ABI3BP: variants seen among roughly 807,000 people sequenced by gnomAD.
ABI3BP encodes ABI family member 3 binding protein.
A neutral mutation model predicts 268.6 loss-of-function variants in ABI3BP; 216 were observed. That is an observed-to-expected ratio of 0.80 (90% confidence interval 0.72 to 0.90). The LOEUF is 0.90. Among genes scored for constraint, ABI3BP ranks in the 40% least tolerant of loss-of-function variants. ABI3BP has a pLI of 0.00. For synonymous variants in ABI3BP, 730 were observed against 730.0 expected (o/e 1.00, Z 0.00); for missense variants, 2,090 against 2,182.4 (o/e 0.96, Z 0.84).
Position 100,885,441 on chromosome 3 carries a change from G to T in ABI3BP, c.696+95C>A, listed in dbSNP as rs1435028543. ...TTCTCCACTGTTTCATAGCTAGTCAGTTAATCTAATTTCAGTATCTTATAA... is the reference window on the plus strand; with the variant it reads ...TTCTCCACTGTTTCATAGCTAGTCATTTAATCTAATTTCAGTATCTTATAA... On this transcript the variant is annotated intron_variant, in intron 6 of 67. Coordinates refer to ENST00000471714, the MANE Select transcript of ABI3BP (RefSeq NM_001375547.2). 9.1e-6 allele frequency: 6 copies of T among 656,662 alleles called. No homozygotes were observed. In the East Asian group the frequency reaches 1.9e-4, roughly 21 times the overall value. The allele number at this position is 656,662 out of a possible 1,614,324, so 40.7% of individuals were successfully genotyped here. A position where few individuals can be genotyped will look rare whatever the true frequency, so the allele number is the denominator to read the frequency against.
chr3:100,831,664 T>A (rs989533820), intron 31 of ABI3BP, among the ~76,000 whole-genome samples: 2 of 152,144 alleles, frequency 1.3e-5, no homozygotes, highest in Non-Finnish European at 2.9e-5. Context: ...CTCTGTCTGG[T>A]GAGCCAACTT....
intron 6 of ABI3BP, among the ~76,000 whole-genome samples, chr3:100,881,910 A>C (rs2039480679): frequency 1.3e-5 from 2 of 152,210 alleles, no homozygotes; most frequent in South Asian, 4.1e-4. Flanking sequence ...GCACAATTGC[A>C]CTGGGGCTTG....
chr3:100,904,974 C>T (rs558055116), intron 2 of ABI3BP, among the ~76,000 whole-genome samples: 164 of 152,190 alleles, frequency 1.1e-3, no homozygotes, highest in Non-Finnish European at 1.8e-3. Context: ...ATGTTTATTG[C>T]GGCACTATTC....
At chr3:100,958,892 G>A (rs2077782209) in intron 1 of ABI3BP, among the ~76,000 whole-genome samples, 2 of 152,188 alleles carry the variant, frequency 1.3e-5, no homozygotes, top group Admixed American at 6.5e-5. Context: ...GAACCTCATG[G>A]TTACTTACAG....
chr3:100,895,997 A>G (rs2047491933), intron 4 of ABI3BP, among the ~76,000 whole-genome samples: 1 of 152,210 alleles, frequency 6.6e-6, no homozygotes, highest in Non-Finnish European at 1.5e-5. Flanking sequence ...GCATGGGGAA[A>G]TGAAATTTAC....
At chr3:100,977,579 T>C (rs1021989405) in intron 1 of ABI3BP, among the ~76,000 whole-genome samples, 1 of 152,232 alleles carries the variant, frequency 6.6e-6, no homozygotes, top group Non-Finnish European at 1.5e-5. Context: ...GAGTGTTTCA[T>C]GACACATCAG....
intron 1 of ABI3BP, 63 bp downstream of exon 1, chr3:100,993,243 C>T: frequency 1.7e-6 from 2 of 1,182,316 alleles, no homozygotes; most frequent in Non-Finnish European, 1.2e-6. Context: ...TATTTAAAAT[C>T]AACATTTAAA....
At chr3:100,938,208 A>T (rs953964155) in intron 1 of ABI3BP, among the ~76,000 whole-genome samples, 2 of 151,982 alleles carry the variant, frequency 1.3e-5, no homozygotes, top group Non-Finnish European at 2.9e-5. Context: ...TAGGCTTAGT[A>T]GCTGGGTGAC....
chr3:100,820,189 T>C, intron 40 of ABI3BP, 31 bp downstream of exon 40: 1 of 1,477,818 alleles, frequency 6.8e-7, no homozygotes, highest in Non-Finnish European at 9.1e-7. Flanking sequence ...GCAGCTAGGA[T>C]GAGCTACTTT....
At chr3:100,966,821 C>G (rs779278010) in intron 1 of ABI3BP, among the ~76,000 whole-genome samples, 1 of 152,106 alleles carries the variant, frequency 6.6e-6, no homozygotes, top group Non-Finnish European at 1.5e-5. Context: ...GATTATGTCC[C>G]TAGGAGACTA....
At chr3:100,751,700 A>G in intron 66 of ABI3BP, 26 bp from the exon 67 acceptor site, 1 of 1,566,096 alleles carries the variant, frequency 6.4e-7, no homozygotes, top group Non-Finnish European at 8.7e-7. Flanking sequence ...TTAAAAGGAT[A>G]AAGTTTACTT....
intron 1 of ABI3BP, among the ~76,000 whole-genome samples, chr3:100,935,680 A>G (rs2065778287): frequency 6.6e-6 from 1 of 152,046 alleles, no homozygotes; most frequent in Admixed American, 6.6e-5. Flanking sequence ...GTTCTCCTTC[A>G]AGAGGCCCTT....
intron 51 of ABI3BP, among the ~76,000 whole-genome samples, chr3:100,802,879 C>A (rs908888953): frequency 2.0e-4 from 24 of 117,920 alleles, no homozygotes; most frequent in African/African-American, 4.9e-4. Context: ...TGAAGTATAA[C>A]CCACAGGACC....
chr3:100,961,519 G>A (rs564676670), intron 1 of ABI3BP, among the ~76,000 whole-genome samples: 2 of 152,232 alleles, frequency 1.3e-5, no homozygotes, highest in East Asian at 3.9e-4. Context: ...AACATAATAT[G>A]GGCAAAGGAG....
rs11371725 is a variant in ABI3BP at position 100,768,083 on chromosome 3, GT to G, written c.4742-2135del. On this transcript the variant is annotated intron_variant, in intron 62 of 67. Transcript: ENST00000471714. ...CTTCTCTGATTTCCATTTGGCTCAA[GT>G]TTTTTTTTTTTTTTTTTTTTGAGAC... Among the ~76,000 whole-genome samples, 362 of 108,732 alleles carry G rather than the reference GT, an allele frequency of 3.3e-3. 1 individual carries two copies. Among genetic ancestry groups the G allele is most frequent in the African/African-American group, 1.0e-2 (284 of 28,434 alleles). 71.3% of individuals were successfully genotyped at this position (108,732 alleles called of 152,430 possible). A position where few individuals can be genotyped will look rare whatever the true frequency, so the allele number is the denominator to read the frequency against.
intron 63 of ABI3BP, among the ~76,000 whole-genome samples, chr3:100,763,899 C>G (rs1053157330): frequency 2.0e-5 from 3 of 152,180 alleles, no homozygotes; most frequent in African/African-American, 7.2e-5. Flanking sequence ...AGTGATTATT[C>G]CGACTAAAAG....
At chr3:100,795,641 A>G (rs986881945) in intron 53 of ABI3BP, among the ~76,000 whole-genome samples, 163 bp downstream of exon 53, 1 of 152,054 alleles carries the variant, frequency 6.6e-6, no homozygotes, top group African/African-American at 2.4e-5. Context: ...CCATTACAAC[A>G]CTGAAATAAT....
At chr3:100,791,760 A>C (rs2097203456) in intron 55 of ABI3BP, among the ~76,000 whole-genome samples, 1 of 151,940 alleles carries the variant, frequency 6.6e-6, no homozygotes. Context: ...GAAAATTTAG[A>C]GGAACTGCCC....
At chr3:100,762,609 T>C (rs1009573860) in intron 63 of ABI3BP, among the ~76,000 whole-genome samples, 2 of 152,248 alleles carry the variant, frequency 1.3e-5, no homozygotes, top group African/African-American at 4.8e-5. Context: ...CAGAAATCTC[T>C]AATTGAAATA....
Sources: allele counts gnomAD v4.1 joint callset (sites outside exome capture counted in the v4.1 genomes callset), GRCh38; gene constraint gnomAD v4.1.1; transcripts MANE v1.5; gene names NCBI Gene and HGNC (gene_info 2026-07-23, HGNC 2026-07-21).